CCDC178: variants seen among roughly 807,000 people sequenced by gnomAD.
CCDC178 encodes coiled-coil domain containing 178, also known as coiled-coil domain-containing protein 178.
In CCDC178, 126 loss-of-function variants were observed where a neutral mutation model predicts 117.4. That is an observed-to-expected ratio of 1.07 (90% CI 0.93 to 1.24). The LOEUF is 1.24. Ranked by LOEUF, CCDC178 falls within the 50% of genes most tolerant of loss-of-function variation. The pLI is 0.00. For missense variants in CCDC178, 1,030 were observed against 986.9 expected (o/e 1.04, Z -0.59); for synonymous variants, 283 against 313.4 (o/e 0.90, Z 1.02).
chr18:33,246,237 T>C (rs2059547226), intron 14 of CCDC178, among the ~76,000 whole-genome samples: 2 of 151,836 alleles, frequency 1.3e-5, no homozygotes, highest in African/African-American at 4.8e-5. Context: ...ACTGGAGCGG[T>C]ATCTAAACCT....
intron 21 of CCDC178, among the ~76,000 whole-genome samples, chr18:33,071,159 C>T (rs2057102054): frequency 6.6e-6 from 1 of 151,918 alleles, no homozygotes; most frequent in African/African-American, 2.4e-5. Flanking sequence ...TTTACCACTG[C>T]CTTTTAGGAG....
chr18:33,348,766 A>C (rs2062930302), intron 8 of CCDC178, 124 bp downstream of exon 8: 2 of 658,598 alleles, frequency 3.0e-6, no homozygotes, highest in Admixed American at 5.3e-5. Context: ...TATTTTGTCT[A>C]TTAAACATTC....
At chr18:33,248,266 A>AT (rs996756876) in intron 14 of CCDC178, among the ~76,000 whole-genome samples, 27 of 150,926 alleles carry the variant, frequency 1.8e-4, no homozygotes, top group African/African-American at 5.6e-4. Flanking sequence ...GAAAGCCTTT[A>AT]TTTTTTTTTA....
At chr18:33,163,136 G>A (rs1332924174) in intron 20 of CCDC178, among the ~76,000 whole-genome samples, 2 of 152,150 alleles carry the variant, frequency 1.3e-5, no homozygotes, top group East Asian at 3.9e-4. Context: ...TGACTGGTAT[G>A]AGATGGTATC....
At chr18:33,296,166 TA>T (rs951003141) in intron 11 of CCDC178, among the ~76,000 whole-genome samples, 3 of 151,684 alleles carry the variant, frequency 2.0e-5, no homozygotes, top group Admixed American at 2.0e-4. Flanking sequence ...TTATGCTTAA[TA>T]AAAAAAAGCC....
chr18:33,162,616 T>C (rs990331046), intron 20 of CCDC178, among the ~76,000 whole-genome samples: 2 of 152,144 alleles, frequency 1.3e-5, no homozygotes, highest in African/African-American at 4.8e-5. Flanking sequence ...CTAATGTCTG[T>C]TGTTCCTCTT....
chr18:33,266,571 T>A (rs2059817765), intron 14 of CCDC178, among the ~76,000 whole-genome samples: 1 of 149,824 alleles, frequency 6.7e-6, no homozygotes, highest in Non-Finnish European at 1.5e-5. Flanking sequence ...TTATTATACT[T>A]TAAGTTTTAG....
At chr18:33,324,988 G>A (rs971182221) in intron 10 of CCDC178, among the ~76,000 whole-genome samples, 1 of 151,536 alleles carries the variant, frequency 6.6e-6, no homozygotes, top group African/African-American at 2.4e-5. Flanking sequence ...TCTATTTGGT[G>A]TTTTAATTAT....
chr18:33,084,792 C>T (rs1417577282), intron 21 of CCDC178, among the ~76,000 whole-genome samples: 1 of 149,354 alleles, frequency 6.7e-6, no homozygotes, highest in Non-Finnish European at 1.5e-5. Context: ...GCCTGGGCAA[C>T]AGTGCGAGGC....
At position 33,224,758 on chromosome 18, in the gene CCDC178, A is replaced by T. The variant is rs1162121440; in HGVS notation, c.1818+17T>A. The T allele has an allele frequency of 2.1e-6, 3 of 1,419,202 alleles. No homozygotes were observed. Among genetic ancestry groups the T allele is most frequent in the Non-Finnish European group, 2.8e-6 (3 of 1,067,078 alleles). The allele number at this position is 1,419,202 out of a possible 1,614,324, so 87.9% of individuals were successfully genotyped here. A position where few individuals can be genotyped will look rare whatever the true frequency, so the allele number is the denominator to read the frequency against. ...TATATTTCTGCACATTAATTTTTGG[A>T]TTAATTAAATGCTTACAACAGAATG... On this transcript the variant is annotated intron_variant, in intron 17 of 22. Coordinates refer to ENST00000383096, the MANE Select transcript of CCDC178 (RefSeq NM_001105528.4).
At chr18:33,114,148 C>T (rs956856270) in intron 20 of CCDC178, among the ~76,000 whole-genome samples, 13 of 151,858 alleles carry the variant, frequency 8.6e-5, no homozygotes, top group African/African-American at 3.1e-4. Context: ...TCTTTGCTAC[C>T]CAAATGAAGA....
chr18:33,207,905 C>T (rs2059064530), intron 20 of CCDC178, among the ~76,000 whole-genome samples: 1 of 151,844 alleles, frequency 6.6e-6, no homozygotes, highest in Non-Finnish European at 1.5e-5. Context: ...TAGGAATCAC[C>T]CATATCCACG....
chr18:32,988,802 TAAAC>T (rs1373796566), intron 21 of CCDC178, among the ~76,000 whole-genome samples: 7 of 151,950 alleles, frequency 4.6e-5, no homozygotes, highest in Non-Finnish European at 7.4e-5. Flanking sequence ...GAAAAATTGA[TAAAC>T]ATAGTAGAAA....
chr18:33,311,823 G>T (rs2062346757), intron 11 of CCDC178, among the ~76,000 whole-genome samples: 1 of 152,150 alleles, frequency 6.6e-6, no homozygotes, highest in African/African-American at 2.4e-5. Flanking sequence ...TTGATTTCTT[G>T]GTTGACATAG....
chr18:33,230,894 A>G (rs1451199867), intron 15 of CCDC178, among the ~76,000 whole-genome samples: 2 of 152,212 alleles, frequency 1.3e-5, no homozygotes, highest in African/African-American at 4.8e-5. Context: ...AGCTTGTGCT[A>G]AACGTTCAAG....
intron 11 of CCDC178, among the ~76,000 whole-genome samples, chr18:33,300,588 T>C (rs2062164227): frequency 6.6e-6 from 1 of 152,136 alleles, no homozygotes; most frequent in African/African-American, 2.4e-5. Flanking sequence ...CAGATGTAAA[T>C]GAGGAAGCTA....
chr18:33,092,815 G>T lies in CCDC178; in HGVS notation c.2334C>A (p.Phe778Leu). The T allele has an allele frequency of 6.4e-7, 1 of 1,555,008 alleles. No individual in the cohort carries two copies. The highest frequency in any genetic ancestry group is 1.8e-5 in the Admixed American group (1 of 55,844). Residue 778 changes from phenylalanine to leucine, a missense_variant, in exon 21 of 23, where the codon TTC becomes TTA. By Grantham distance (22) the Phe-to-Leu change is conservative. Coordinates refer to ENST00000383096, the MANE Select transcript of CCDC178 (RefSeq NM_001105528.4). ...GTGATAGCTGTTTATCATATATATTGAAATAATTGTCCTTTTCTTTTAAGA... is the reference window on the plus strand; with the variant it reads ...GTGATAGCTGTTTATCATATATATTTAAATAATTGTCCTTTTCTTTTAAGA... Reference protein sequence around the residue: ...ITFLKEKDNYFNIYDKQLSLD... With the variant: ...ITFLKEKDNYLNIYDKQLSLD...
chr18:33,131,215 C>G (rs932489352), intron 20 of CCDC178, among the ~76,000 whole-genome samples: 12 of 151,820 alleles, frequency 7.9e-5, no homozygotes, highest in Non-Finnish European at 1.8e-4. Context: ...GTCATTTAAA[C>G]TATCGATTAC....
At chr18:33,135,957 T>C (rs971288287) in intron 20 of CCDC178, 1 of 152,184 alleles carries the variant, frequency 6.6e-6, no homozygotes, top group Admixed American at 6.5e-5. Context: ...AAAGATCCCT[T>C]TAGAATTTTT....
Sources: gnomAD v4.1 joint callset for allele counts (sites outside exome capture counted in the v4.1 genomes callset) on GRCh38, gnomAD v4.1.1 for gene constraint, MANE v1.5 for transcripts, NCBI Gene and HGNC (gene_info 2026-07-23, HGNC 2026-07-21) for gene names.